ZNF468: variants seen among roughly 807,000 people sequenced by gnomAD.
ZNF468 encodes the protein zinc finger protein ZNF468.
In ZNF468, 8 loss-of-function variants were observed where a neutral mutation model predicts 7.2. The observed-to-expected ratio is 1.11, with a 90% CI of 0.65 to 2.01. ZNF468 has a LOEUF of 2.01. Ranked by LOEUF, ZNF468 falls within the 30% of genes most tolerant of loss-of-function variation. The pLI is 0.00. For synonymous variants in ZNF468, 218 were observed against 214.4 expected, an observed-to-expected ratio of 1.02 and a Z score of -0.15; for missense variants, 608 against 626.5, an observed-to-expected ratio of 0.97 and a Z score of 0.31.
intron 2 of ZNF468, among the ~76,000 whole-genome samples, chr19:52,850,251 C>T (rs570277231): frequency 1.7e-4 from 26 of 152,162 alleles, no homozygotes; most frequent in African/African-American, 6.0e-4. Context: ...GGAATCTTGT[C>T]AGATCTAAGA....
intron 3 of ZNF468, among the ~76,000 whole-genome samples, chr19:52,844,689 C>A (rs1022183373): frequency 6.6e-6 from 1 of 152,112 alleles, no homozygotes; most frequent in African/African-American, 2.4e-5. Context: ...CAGGTGCACA[C>A]CACCATGCAC....
chr19:52,843,228 A>C (rs1402546290), intron 3 of ZNF468, among the ~76,000 whole-genome samples: 1 of 151,918 alleles, frequency 6.6e-6, no homozygotes, highest in South Asian at 2.1e-4. Flanking sequence ...CTTTTTAAAA[A>C]ATTTTTTGTA....
In ZNF468 at chr19:52,841,286, G is replaced by A. The variant is rs775750307; in HGVS notation, c.1008C>T (p.Phe336=). ...GTTTTGCCAGATATGAATTATATGC[G>A]AAAGCCTCATCACAAACCTTACATT... The part of the protein sequence containing the change: ...PYKCKVCDEA[F]AYNSYLAKHT... Residue 336 remains phenylalanine (F), a synonymous_variant, in exon 4 of 4, where the codon TTC becomes TTT. Transcript: ENST00000595646. 2 of 1,613,406 alleles carry A rather than the reference G, an allele frequency of 1.2e-6. No individual in the cohort carries two copies. The highest frequency in any genetic ancestry group is 1.7e-6 in the Non-Finnish European group (2 of 1,179,904).
chr19:52,841,185 AG>A lies in ZNF468; in HGVS notation c.1108del (p.Ala371HisfsTer113). ...AGTATGAAGTCTATGATGGCGTGCA[AG>A]GGTTGATAGTCGATTAAAAACTTTG... Reference protein sequence around the residue: ...CGKVFNRLSTLARHHRLHTGE... With the variant: ...CGKVFNRLSTXARHHRLHTGE... On this transcript the variant is annotated frameshift_variant, in exon 4 of 4. Coordinates refer to ENST00000595646, the MANE Select transcript of ZNF468 (RefSeq NM_001008801.2). LOFTEE classifies it low-confidence loss of function (END_TRUNC). The A allele has an allele frequency of 6.2e-7, 1 of 1,613,068 alleles. No individual in the cohort carries two copies. Among genetic ancestry groups the A allele is most frequent in the South Asian group, 1.1e-5 (1 of 91,028 alleles).
rs532982990 is a variant in ZNF468, at chr19:52,847,490, A to G, written c.142+1597T>C. ...CTGTAAAGAGCCTGTGCTGAGGAGG[A>G]GTAGTGAAAGAGGGAGGCCTCTTTG... is the stretch of plus-strand genomic sequence containing the variant. On this transcript the variant is annotated intron_variant, in intron 3 of 3. Transcript: ENST00000595646. Among the ~76,000 whole-genome samples the G allele has an allele frequency of 8.1e-3, 1,225 of 150,400 alleles. 10 individuals are homozygous for G. The highest frequency in any genetic ancestry group is 0.032 in the South Asian group (147 of 4,662).
Position 52,841,965 on chromosome 19 carries a change from G to T in ZNF468, c.329C>A (p.Ala110Glu). Residue 110 changes from alanine to glutamate, a missense_variant, in exon 4 of 4, where the codon GCA becomes GAA. By Grantham distance (107) the Ala-to-Glu change is moderately radical. Coordinates refer to ENST00000595646, the MANE Select transcript of ZNF468 (RefSeq NM_001008801.2). ...CTCTTTGATTTCTGTCATGGGTGCT[G>T]CATGGCCATTTGTTTCATCTTCTTT... ...QWKEDETNGH[A>E]APMTEIKELA... 2 of 1,613,862 alleles carry T rather than the reference G, an allele frequency of 1.2e-6. No individual in the cohort carries two copies. Among genetic ancestry groups the T allele is most frequent in the African/African-American group, 1.3e-5 (1 of 74,992 alleles).
At chr19:52,851,130 G>T (rs553779457) in intron 2 of ZNF468, among the ~76,000 whole-genome samples, 29 of 151,976 alleles carry the variant, frequency 1.9e-4, no homozygotes, top group African/African-American at 6.8e-4. Context: ...AAAAAAATTA[G>T]CCACGGGTGA....
chr19:52,842,249 C>A (rs2147727029), intron 3 of ZNF468, 98 bp from the exon 4 acceptor site: 4 of 1,132,230 alleles, frequency 3.5e-6, no homozygotes. Flanking sequence ...TACTTATTTT[C>A]AACTTCCCAA....
At chr19:52,853,514 C>T (rs898858909) in intron 2 of ZNF468, among the ~76,000 whole-genome samples, 9 of 152,038 alleles carry the variant, frequency 5.9e-5, no homozygotes, top group Non-Finnish European at 1.0e-4. Flanking sequence ...CATGCTGAAA[C>T]GCTGTTTCTA....
chr19:52,847,896 G>A (rs774263613), intron 3 of ZNF468, among the ~76,000 whole-genome samples: 1 of 152,154 alleles, frequency 6.6e-6, no homozygotes, highest in African/African-American at 2.4e-5. Flanking sequence ...GACTGGCACC[G>A]ATGCAGGTTC....
intron 1 of ZNF468, 26 bp from the exon 2 acceptor site, chr19:52,854,371 T>C: frequency 6.3e-7 from 1 of 1,587,698 alleles, no homozygotes; most frequent in Non-Finnish European, 8.6e-7. Context: ...ATGTTGTTTA[T>C]CACTCAGAAT....
At position 52,842,015 on chromosome 19, in the gene ZNF468, G is replaced by A. The variant is rs551532146; in HGVS notation, c.279C>T (p.Asp93=). 4 of 1,613,930 alleles carry A rather than the reference G, an allele frequency of 2.5e-6. No individual in the cohort carries two copies. In the African/African-American group the frequency reaches 4.0e-5, roughly 16 times the overall value. ...GEFCFHEIEK[D]IHGFEFQWKE... ...TCCACTGAAACTCGAAGCCATGAAT[G>A]TCTTTCTCAATTTCATGGAAACAAA... Residue 93 remains aspartate, a synonymous_variant, in exon 4 of 4, where the codon GAC becomes GAT. Coordinates refer to ENST00000595646, the MANE Select transcript of ZNF468 (RefSeq NM_001008801.2).
intron 2 of ZNF468, chr19:52,853,939 C>G: frequency 7.2e-7 from 1 of 1,390,344 alleles, no homozygotes; most frequent in Non-Finnish European, 9.3e-7. Context: ...CCACAGTGAG[C>G]TGACAGTGCA....
rs1369069249 is a variant in ZNF468 at position 52,842,079 on chromosome 19, C to G, written c.215G>C (p.Gly72Ala). 6.2e-7 allele frequency: 1 copy of G among 1,613,544 alleles called. No homozygotes were observed. The highest frequency in any genetic ancestry group is 1.3e-5 in the African/African-American group (1 of 74,858). The change falls in exon 4 of 4, where the codon GGG (glycine) becomes GCG (alanine). Residue 72 changes from glycine (G) to alanine (A), a missense_variant. Physicochemically the swap from Gly to Ala is moderately conservative, Grantham distance 60. Transcript: ENST00000595646. ...GQGNTEVIHT[G>A]TLHRQASHHI... ...ATGACTTGCTTGTCTGTGCAATGTC[C>G]CTGTGTGGATCACTTCTGTATTGCC...
In ZNF468 at chr19:52,846,190, T is replaced by C. The variant is rs552513986; in HGVS notation, c.142+2897A>G. ...TCTGACATAAATAAAAAAATTCTAG[T>C]GGAGAAGAAGTAGTTTTTGCAGGTT... is the stretch of plus-strand genomic sequence containing the variant. On this transcript the variant is annotated intron_variant, in intron 3 of 3. Transcript: ENST00000595646. Among the ~76,000 whole-genome samples, 348 of 152,184 alleles carry C rather than the reference T, an allele frequency of 2.3e-3. 2 individuals carry two copies. The highest frequency in any genetic ancestry group is 8.1e-3 in the African/African-American group (337 of 41,520).
At chr19:52,842,460 T>C (rs765195489) in intron 3 of ZNF468, among the ~76,000 whole-genome samples, 11 of 152,038 alleles carry the variant, frequency 7.2e-5, no homozygotes, top group East Asian at 1.9e-4. Flanking sequence ...CTGTGCAAAA[T>C]ACATATCACT....
At position 52,841,470 on chromosome 19, in the gene ZNF468, T is replaced by C; in HGVS notation, c.824A>G (p.Glu275Gly). 1 of 1,614,104 alleles carries C rather than the reference T, an allele frequency of 6.2e-7. No individual in the cohort carries two copies. The highest frequency in any genetic ancestry group is 8.5e-7 in the Non-Finnish European group (1 of 1,179,976). Residue 275 changes from glutamate (E) to glycine (G), a missense_variant, in exon 4 of 4, where the codon GAG becomes GGG. Physicochemically the swap from Glu to Gly is moderately conservative, Grantham distance 98. Transcript: ENST00000595646. ...HTGEKPYKCNECGKTFGHNSS... is the reference protein window; with the variant it reads ...HTGEKPYKCNGCGKTFGHNSS... ...ATTATGACCAAAGGTCTTGCCACAC[T>C]CATTACACTTGTAAGGTTTCTCACC...
At chr19:52,853,561 C>T (rs983314446) in intron 2 of ZNF468, among the ~76,000 whole-genome samples, 2 of 151,930 alleles carry the variant, frequency 1.3e-5, no homozygotes, top group Non-Finnish European at 2.9e-5. Context: ...CGTGGTGGTG[C>T]ACACCTATAA....
At chr19:52,855,488 G>C (rs1476106139) in intron 1 of ZNF468, among the ~76,000 whole-genome samples, 1 of 152,244 alleles carries the variant, frequency 6.6e-6, no homozygotes, top group African/African-American at 2.4e-5. Context: ...CACTGGCAGG[G>C]ACCCTGAACA....
Sources: gnomAD v4.1 joint callset for allele counts (sites outside exome capture counted in the v4.1 genomes callset) on GRCh38, gnomAD v4.1.1 for gene constraint, MANE v1.5 for transcripts, NCBI Gene and HGNC (gene_info 2026-07-23, HGNC 2026-07-21) for gene names.